Variants in TRPM4 observed in about 807,000 individuals in gnomAD.
TRPM4 encodes the protein transient receptor potential cation channel subfamily M member 4.
In TRPM4, 124 loss-of-function variants were observed where a neutral mutation model predicts 135.6. That is an observed-to-expected ratio of 0.91 (90% CI 0.79 to 1.06). The LOEUF (loss-of-function observed/expected upper bound fraction) is 1.06. Ranked by LOEUF, TRPM4 falls within the 50% of genes least tolerant of loss-of-function variation. TRPM4 has a pLI of 0.00. For synonymous variants in TRPM4, 745 were observed against 705.6 expected, an observed-to-expected ratio of 1.06 and a Z score of -0.88; for missense variants, 1,658 against 1,671.4, an observed-to-expected ratio of 0.99 and a Z score of 0.14.
intron 9 of TRPM4, among the ~76,000 whole-genome samples, chr19:49,180,436 G>C (rs1181040833): frequency 3.4e-5 from 4 of 116,544 alleles, no homozygotes; most frequent in Non-Finnish European, 6.9e-5. Flanking sequence ...TGCTGTGTGT[G>C]TGTGTGTGTG....
intron 16 of TRPM4, among the ~76,000 whole-genome samples, chr19:49,195,176 T>A (rs1441618234): frequency 2.6e-5 from 4 of 152,302 alleles, no homozygotes; most frequent in East Asian, 1.9e-4. Context: ...CTCACAGAAT[T>A]GTGAAATCAT....
chr19:49,166,838 CTCTGTCTTCCTCTCTCTGGG>C, intron 3 of TRPM4, among the ~76,000 whole-genome samples: 1 of 149,876 alleles, frequency 6.7e-6, no homozygotes. Flanking sequence ...CTCTCTGGGT[CTCTGTCTTCCTCTCTCTGGG>C]TCTGTTTCCC....
At chr19:49,193,524 A>T (rs1968493144) in intron 16 of TRPM4, among the ~76,000 whole-genome samples, 1 of 152,036 alleles carries the variant, frequency 6.6e-6, no homozygotes, top group African/African-American at 2.4e-5. Context: ...TTGATCCCAG[A>T]TCCTCTTGTA....
rs61258103 is a variant in TRPM4, at chr19:49,182,451, CCCAT to C, written c.1264-80_1264-77del. ...ACCTATCCATTCATCCATCCATCCA[CCCAT>C]CCATCCATCCATCCATCCATCCATC... is the stretch of plus-strand genomic sequence containing the variant. On this transcript the variant is annotated intron_variant, in intron 10 of 24. Coordinates refer to ENST00000252826, the MANE Select transcript of TRPM4 (RefSeq NM_017636.4). The C allele has an allele frequency of 0.31, 214,881 of 684,936 alleles. 33,754 individuals carry two copies. Among genetic ancestry groups the C allele is most frequent in the Non-Finnish European group, 0.34 (133,063 of 385,828 alleles). The allele number at this position is 684,936 out of a possible 1,614,324, so 42.4% of individuals were successfully genotyped here.
intron 9 of TRPM4, among the ~76,000 whole-genome samples, chr19:49,179,719 A>G (rs1261597594): frequency 3.3e-5 from 5 of 152,206 alleles, no homozygotes; most frequent in Non-Finnish European, 7.3e-5. Context: ...GGAGAGCTTC[A>G]TAGAATCGTA....
Position 49,171,701 on chromosome 19 carries a change from C to A in TRPM4, c.982C>A (p.Gln328Lys), listed in dbSNP as rs759820855. The A allele has an allele frequency of 6.2e-7, 1 of 1,613,936 alleles. No individual in the cohort carries two copies. The highest frequency in any genetic ancestry group is 8.5e-7 in the Non-Finnish European group (1 of 1,180,012). The change falls in exon 8 of 25, where the codon CAA becomes AAA. Residue 328 changes from glutamine (Q) to lysine (K), a missense_variant. Gln to Lys is a moderately conservative substitution (Grantham distance 53). Coordinates refer to ENST00000252826, the MANE Select transcript of TRPM4 (RefSeq NM_017636.4). The surrounding 1 kb of genome is among the most constrained non-coding windows in gnomAD (Gnocchi z 4.7). ...GGCCCCAGGGAGTGGGGGAGCCAGG[C>A]AAGGCGAAGCCCGAGATCGAATCAG... Reference protein sequence around the residue: ...TLAPGSGGARQGEARDRIRRF... With the variant: ...TLAPGSGGARKGEARDRIRRF...
chr19:49,181,481 G>T lies in TRPM4; in HGVS notation c.1263+20G>T. Reference sequence around the variant, plus strand: ...TGGCGGGTGAGGGGTCAGGGCCTGGGGGTTGGGCATACTGACAAAGGGACT... The same window carrying T: ...TGGCGGGTGAGGGGTCAGGGCCTGGTGGTTGGGCATACTGACAAAGGGACT... On this transcript the variant is annotated intron_variant, in intron 10 of 24. Transcript: ENST00000252826. The T allele has an allele frequency of 1.9e-6, 3 of 1,574,094 alleles. No individual in the cohort carries two copies. Among genetic ancestry groups the T allele is most frequent in the Middle Eastern group, 1.7e-4 (1 of 5,990 alleles).
chr19:49,211,235 T>G lies in TRPM4; in HGVS notation c.3606T>G (p.Gly1202=). Reference sequence around the variant, plus strand: ...GCCGCTCTGCCTTGCTGCCCCCAGGTGGGCCGCCACCCCCTGACCTGCCTG... The same window carrying G: ...GCCGCTCTGCCTTGCTGCCCCCAGGGGGGCCGCCACCCCCTGACCTGCCTG... ...ALSRSALLPP[G]GPPPPDLPGS... is the part of the protein sequence containing the mutation. The change falls in exon 24 of 25, where the codon GGT becomes GGG. Residue 1202 remains glycine (G), a synonymous_variant. Transcript: ENST00000252826. The surrounding 1 kb of genome is among the most constrained non-coding windows in gnomAD (Gnocchi z 4.8). The G allele has an allele frequency of 1.3e-6, 2 of 1,591,430 alleles. No homozygotes were observed. Among genetic ancestry groups the G allele is most frequent in the Non-Finnish European group, 1.7e-6 (2 of 1,169,656 alleles).
chr19:49,181,030 G>A (rs553754895), intron 9 of TRPM4, among the ~76,000 whole-genome samples: 22 of 151,984 alleles, frequency 1.4e-4, no homozygotes, highest in African/African-American at 4.3e-4. Context: ...GCTTCTTCAG[G>A]GTAGGAACTG....
At position 49,182,610 on chromosome 19, in the gene TRPM4, C is replaced by T; in HGVS notation, c.1296C>T (p.Ala432=). 1 of 1,614,070 alleles carries T rather than the reference C, an allele frequency of 6.2e-7. No individual in the cohort carries two copies. The change falls in exon 11 of 25, where the codon GCC becomes GCT. Residue 432 remains alanine, a synonymous_variant. Coordinates refer to ENST00000252826, the MANE Select transcript of TRPM4 (RefSeq NM_017636.4). ...SFHLEASLMD[A]LLNDRPEFVR... ...ATCTCGAAGCTTCCCTCATGGACGC[C>T]CTGCTGAATGACCGGCCTGAGTTCG...
chr19:49,183,078 A>T lies in TRPM4; in HGVS notation c.1609A>T (p.Met537Leu). Reference sequence around the variant, plus strand: ...TCACCACCCCTCCTTTTGCTGGCAGATGTATCTGCTCTCGGACAAGGCCAC... The same window carrying T: ...TCACCACCCCTCCTTTTGCTGGCAGTTGTATCTGCTCTCGGACAAGGCCAC... The part of the protein sequence containing the change: ...PHPGQGFGES[M>L]YLLSDKATSP... The change falls in exon 12 of 25, where the codon ATG (methionine) becomes TTG (leucine). Residue 537 changes from methionine (M) to leucine (L), a missense_variant and splice_region_variant. This residue lies in a region of TRPM4 where 1,412 missense variants were observed against 1,408.7 expected (regional missense o/e 1.00). Coordinates refer to ENST00000252826, the MANE Select transcript of TRPM4 (RefSeq NM_017636.4). 3.1e-6 allele frequency: 5 copies of T among 1,611,996 alleles called. No homozygotes were observed. The highest frequency in any genetic ancestry group is 4.2e-6 in the Non-Finnish European group (5 of 1,180,002).
chr19:49,182,470 ATC>A (rs1968013333), intron 10 of TRPM4, 106 bp from the exon 11 acceptor site: 1 of 784,200 alleles, frequency 1.3e-6, no homozygotes, highest in Non-Finnish European at 2.1e-6. Flanking sequence ...CCATCCATCC[ATC>A]CATCCATCCA....
intron 17 of TRPM4, 131 bp downstream of exon 17, chr19:49,197,005 C>G: frequency 1.1e-6 from 1 of 883,534 alleles, no homozygotes. Flanking sequence ...GATTGAGAAC[C>G]CCTCTTAGGA....
Position 49,190,421 on chromosome 19 carries a change from G to A in TRPM4, c.2132+101G>A, listed in dbSNP as rs372769319. On this transcript the variant is annotated intron_variant, in intron 15 of 24. Coordinates refer to ENST00000252826, the MANE Select transcript of TRPM4 (RefSeq NM_017636.4). ...CTTTCTTCCCTCATCGGCCCATTGT[G>A]TCCCTTCCCTAGGAATGGGACTCTC... The A allele has an allele frequency of 2.2e-5, 24 of 1,107,440 alleles. No homozygotes were observed. In the East Asian group the frequency reaches 5.2e-4, roughly 24 times the overall value. The allele number at this position is 1,107,440 out of a possible 1,614,324, so 68.6% of individuals were successfully genotyped here.
Position 49,210,965 on chromosome 19 carries a change from G to A in TRPM4, c.3462-50G>A, listed in dbSNP as rs1252513289. 6.2e-7 allele frequency: 1 copy of A among 1,604,784 alleles called. No homozygotes were observed. Among genetic ancestry groups the A allele is most frequent in the South Asian group, 1.1e-5 (1 of 89,680 alleles). ...AGGCCCGGGAAGCAGGCAGAGCCCTGGGGGTGGGTGGGCTGCGGGTGCCCC... is the reference window on the plus strand; with the variant it reads ...AGGCCCGGGAAGCAGGCAGAGCCCTAGGGGTGGGTGGGCTGCGGGTGCCCC... On this transcript the variant is annotated intron_variant, in intron 22 of 24. Transcript: ENST00000252826. This position sits in a 1 kb window ranked among gnomAD's most constrained non-coding sequence, Gnocchi z 4.1.
In TRPM4 at chr19:49,196,501, TGCTGCGGGGGCC is replaced by T. The variant is rs113100797; in HGVS notation, c.2283_2294del (p.Cys763_Arg766del). On this transcript the variant is annotated inframe_deletion, in exon 17 of 25. Coordinates refer to ENST00000252826, the MANE Select transcript of TRPM4 (RefSeq NM_017636.4). ...CCCGCGCCAGTCGGGCCGTCCGGGT[TGCTGCGGGGGCC>T]GCTGCGGGGGGCGCCGGTGCCTACG... The T allele has an allele frequency of 7.1e-3, 11,056 of 1,556,054 alleles. 669 individuals carry two copies. In the African/African-American group the frequency reaches 0.13, roughly 18 times the overall value.
intron 9 of TRPM4, among the ~76,000 whole-genome samples, chr19:49,173,474 C>T (rs139733467): frequency 8.9e-4 from 135 of 152,338 alleles, no homozygotes; most frequent in African/African-American, 3.0e-3. Context: ...TCCACCCACC[C>T]ATTCTTCCTT....
At chr19:49,166,910 C>CCCA (rs1967211909) in intron 3 of TRPM4, among the ~76,000 whole-genome samples, 1 of 149,428 alleles carries the variant, frequency 6.7e-6, no homozygotes, top group African/African-American at 2.5e-5. Flanking sequence ...GGGTCTCTGT[C>CCCA]TGTTTCTCCG....
chr19:49,191,578 T>C (rs1294608218), intron 16 of TRPM4, among the ~76,000 whole-genome samples: 1 of 151,998 alleles, frequency 6.6e-6, no homozygotes, highest in Non-Finnish European at 1.5e-5. Flanking sequence ...TGCAGTGGTG[T>C]GATCTCCGCC....
Sources: allele counts gnomAD v4.1 joint callset (sites outside exome capture counted in the v4.1 genomes callset), GRCh38; gene constraint gnomAD v4.1.1; regional missense constraint gnomAD v4.1.1; non-coding constraint Gnocchi (gnomAD v3.1); transcripts MANE v1.5; gene names NCBI Gene and HGNC (gene_info 2026-07-23, HGNC 2026-07-21).